Variants in TRHDE observed in about 807,000 individuals in gnomAD.
TRHDE encodes thyrotropin-releasing hormone-degrading ectoenzyme.
Under a neutral mutation model 125.7 loss-of-function variants are expected in TRHDE, and 72 were observed. That is an observed-to-expected ratio of 0.57 (90% confidence interval 0.47 to 0.70). TRHDE has a LOEUF of 0.70. TRHDE is among the 30% of genes least tolerant of loss of function. TRHDE has a pLI of 0.00. For synonymous variants in TRHDE, 509 were observed against 509.1 expected (o/e 1.00, Z 0.00); for missense variants, 1,110 against 1,327.1 (o/e 0.84, Z 2.54).
chr12:72,309,595 A>G (rs1246385102), intron 2 of TRHDE: 2 of 152,130 alleles, frequency 1.3e-5, no homozygotes, highest in South Asian at 2.1e-4. Context: ...TGAAGGGTTC[A>G]TATTTGATAG....
chr12:72,120,869 G>C (rs1004607443), intron 2 of TRHDE, among the ~76,000 whole-genome samples: 3 of 151,330 alleles, frequency 2.0e-5, no homozygotes, highest in Non-Finnish European at 2.9e-5. Context: ...TAGTAGAGAC[G>C]GGGTTTCACC....
intron 2 of TRHDE, among the ~76,000 whole-genome samples, chr12:72,288,937 C>T (rs1178280234): frequency 6.6e-6 from 1 of 152,040 alleles, no homozygotes; most frequent in Non-Finnish European, 1.5e-5. Flanking sequence ...ACCTAAAATA[C>T]TAAAATCTAT....
In TRHDE at chr12:72,273,427, T is replaced by C; in HGVS notation, c.784T>C (p.Leu262=). 1.2e-6 allele frequency: 2 copies of C among 1,614,118 alleles called. No individual in the cohort carries two copies. Among genetic ancestry groups the C allele is most frequent in the African/African-American group, 2.7e-5 (2 of 75,036 alleles). ...TTTCCTCTACCCGCAAACCCAGGTC[T>C]TAGTGGTGGTGCTGAATAGGACACT... The part of the protein sequence containing the change: ...GFFLYPQTQV[L]VVVLNRTLDA... The change falls in exon 1 of 19, where the codon TTA becomes CTA. Residue 262 remains leucine, a synonymous_variant. Transcript: ENST00000261180. This position sits in a 1 kb window ranked among gnomAD's most constrained non-coding sequence, Gnocchi z 5.3.
chr12:72,100,811 T>C (rs1203277964), intron 1 of TRHDE, among the ~76,000 whole-genome samples: 1 of 152,172 alleles, frequency 6.6e-6, no homozygotes, highest in East Asian at 1.9e-4. Flanking sequence ...AGCTGGGTCA[T>C]TGACCCCCTC....
At chr12:72,184,214 G>A (rs146384735) in intron 2 of TRHDE, among the ~76,000 whole-genome samples, 1 of 152,030 alleles carries the variant, frequency 6.6e-6, no homozygotes, top group Admixed American at 6.6e-5. Context: ...GAGGGTCTTC[G>A]GTGCCTGGGG....
intron 1 of TRHDE, among the ~76,000 whole-genome samples, chr12:72,098,984 G>A (rs970213382): frequency 2.0e-5 from 3 of 152,116 alleles, no homozygotes; most frequent in Non-Finnish European, 4.4e-5. Flanking sequence ...GGCCAACATG[G>A]TGAAACTCTG....
intron 2 of TRHDE, among the ~76,000 whole-genome samples, chr12:72,149,094 GA>G (rs918655494): frequency 1.3e-5 from 2 of 151,788 alleles, no homozygotes; most frequent in African/African-American, 4.8e-5. Context: ...ATTCTAACAT[GA>G]TTTTTTTTTT....
At chr12:72,554,253 G>T (rs1869817526) in intron 7 of TRHDE, among the ~76,000 whole-genome samples, 1 of 151,938 alleles carries the variant, frequency 6.6e-6, no homozygotes, top group Non-Finnish European at 1.5e-5. Context: ...CATTTATCTT[G>T]CTATTAAAAT....
At chr12:72,531,157 T>C (rs1276271167) in intron 6 of TRHDE, among the ~76,000 whole-genome samples, 1 of 152,148 alleles carries the variant, frequency 6.6e-6, no homozygotes, top group African/African-American at 2.4e-5. Flanking sequence ...AAATTTTGTC[T>C]GGTCAGTGGC....
chr12:72,520,062 C>T (rs377357317), intron 6 of TRHDE, among the ~76,000 whole-genome samples: 3 of 152,082 alleles, frequency 2.0e-5, no homozygotes, highest in East Asian at 1.9e-4. Flanking sequence ...GACAGGGACA[C>T]TTAAGTCTGC....
At chr12:72,274,247 G>A (rs1879392554) in intron 1 of TRHDE, among the ~76,000 whole-genome samples, 1 of 152,254 alleles carries the variant, frequency 6.6e-6, no homozygotes, top group Non-Finnish European at 1.5e-5. Context: ...AAGGCAGGGC[G>A]ACTCCGGTTG....
At chr12:72,556,446 G>A (rs1869926370) in intron 7 of TRHDE, among the ~76,000 whole-genome samples, 2 of 152,216 alleles carry the variant, frequency 1.3e-5, no homozygotes, top group Admixed American at 1.3e-4. Flanking sequence ...TGCCACAGGA[G>A]TGAAGGTTTA....
chr12:72,531,932 T>C (rs536630155), intron 6 of TRHDE, among the ~76,000 whole-genome samples: 1 of 152,286 alleles, frequency 6.6e-6, no homozygotes, highest in Non-Finnish European at 1.5e-5. Context: ...AAAATTGCTG[T>C]TGTTTACTCT....
At chr12:72,200,238 G>A (rs960499293) in intron 2 of TRHDE, among the ~76,000 whole-genome samples, 1 of 152,186 alleles carries the variant, frequency 6.6e-6, no homozygotes, top group Non-Finnish European at 1.5e-5. Flanking sequence ...AGCCAAACAG[G>A]TTTGTGTAGT....
At chr12:72,153,809 C>T (rs964872819) in intron 2 of TRHDE, among the ~76,000 whole-genome samples, 4 of 152,212 alleles carry the variant, frequency 2.6e-5, no homozygotes, top group African/African-American at 7.2e-5. Context: ...GAGTGCTTTA[C>T]TTCCAACTAT....
intron 2 of TRHDE, among the ~76,000 whole-genome samples, chr12:72,362,976 T>G (rs1467766287): frequency 3.9e-5 from 6 of 152,048 alleles, no homozygotes; most frequent in Non-Finnish European, 5.9e-5. Context: ...AGACTTGTAG[T>G]ATAGTTTGAA....
At chr12:72,325,273 C>A (rs1223624589) in intron 2 of TRHDE, among the ~76,000 whole-genome samples, 1 of 151,932 alleles carries the variant, frequency 6.6e-6, no homozygotes, top group Non-Finnish European at 1.5e-5. Context: ...TCTGTACCCC[C>A]CAGTTTTATT....
intron 12 of TRHDE, among the ~76,000 whole-genome samples, chr12:72,618,359 G>A (rs937682323): frequency 4.6e-5 from 7 of 151,666 alleles, no homozygotes; most frequent in East Asian, 3.9e-4. Flanking sequence ...GATTTTTATC[G>A]GTGTTATGGA....
chr12:72,477,081 C>A (rs1420176986), intron 5 of TRHDE, among the ~76,000 whole-genome samples: 3 of 152,086 alleles, frequency 2.0e-5, no homozygotes, highest in Non-Finnish European at 4.4e-5. Context: ...CTAACTCATC[C>A]TTATCATTTG....
Sources: gnomAD v4.1 joint callset for allele counts (sites outside exome capture counted in the v4.1 genomes callset) on GRCh38, gnomAD v4.1.1 for gene constraint, Gnocchi (gnomAD v3.1) non-coding constraint, MANE v1.5 for transcripts, NCBI Gene and HGNC (gene_info 2026-07-23, HGNC 2026-07-21) for gene names.